HP1BP3: variants seen among roughly 807,000 people sequenced by gnomAD.
HP1BP3 encodes the protein heterochromatin protein 1 binding protein 3.
Under a neutral mutation model 62.5 loss-of-function variants are expected in HP1BP3, and 12 were observed. That is an observed-to-expected ratio of 0.19 (90% CI 0.12 to 0.31). The LOEUF is 0.31. HP1BP3 is among the 10% of genes least tolerant of loss of function. HP1BP3 has a pLI of 1.00. For missense variants in HP1BP3, 502 were observed against 651.8 expected (o/e 0.77, Z 2.50); for synonymous variants, 260 against 237.8 (o/e 1.09, Z -0.86).
At chr1:20,763,935 ACT>A (rs1380408732) in intron 8 of HP1BP3, among the ~76,000 whole-genome samples, 1 of 152,010 alleles carries the variant, frequency 6.6e-6, no homozygotes, top group East Asian at 1.9e-4. Context: ...ACTGAGTCTC[ACT>A]CTGTCACCCA....
rs199808787 is a variant in HP1BP3 at position 20,744,830 on chromosome 1, G to T, written c.1629C>A (p.Ser543=). ...KEVKLPGKGK[S]TMKKSFRVKK ...TCACTCTGAAAGACTTCTTCATGGT[G>T]GATTTGCCCTTGCCCGGCAATTTTA... The change falls in exon 13 of 13, where the codon TCC becomes TCA. Residue 543 remains serine (S), a synonymous_variant. Transcript: ENST00000438032. The T allele has an allele frequency of 1.9e-6, 3 of 1,612,836 alleles. No individual in the cohort carries two copies.
At chr1:20,753,096 C>A (rs1392024651) in intron 9 of HP1BP3, among the ~76,000 whole-genome samples, 1 of 152,154 alleles carries the variant, frequency 6.6e-6, no homozygotes, top group Non-Finnish European at 1.5e-5. Context: ...CATGTGCCAC[C>A]ATGCCCGGCT....
At chr1:20,780,667 T>G in intron 1 of HP1BP3, 127 bp from the exon 2 acceptor site, 1 of 553,816 alleles carries the variant, frequency 1.8e-6, no homozygotes, top group Non-Finnish European at 3.2e-6. Flanking sequence ...GACAGATGAT[T>G]TGGTTACTCA....
intron 5 of HP1BP3, among the ~76,000 whole-genome samples, chr1:20,773,187 T>G (rs1031014222): frequency 6.6e-6 from 1 of 152,208 alleles, no homozygotes; most frequent in East Asian, 1.9e-4. Flanking sequence ...AAATAAAAAC[T>G]GTACTTAATC....
At chr1:20,786,999 G>A (rs2057873366) in intron 1 of HP1BP3, among the ~76,000 whole-genome samples, 196 bp downstream of exon 1, 1 of 152,038 alleles carries the variant, frequency 6.6e-6, no homozygotes, top group South Asian at 2.1e-4. Context: ...GGGCTAGGTC[G>A]CAGGAGAGAG....
intron 11 of HP1BP3, 75 bp from the exon 12 acceptor site, chr1:20,745,731 T>C (rs2055276846): frequency 6.8e-7 from 1 of 1,467,098 alleles, no homozygotes; most frequent in East Asian, 2.3e-5. Context: ...TAGATGCTCT[T>C]ACCTGGACAT....
rs184686526 is a variant in HP1BP3 at position 20,766,897 on chromosome 1, C to T, written c.735+687G>A. Among the ~76,000 whole-genome samples, 5 of 152,114 alleles carry T rather than the reference C, an allele frequency of 3.3e-5. No homozygotes were observed. In the East Asian group the frequency reaches 7.7e-4, roughly 24 times the overall value. ...AGCAGAGGTTGCAGTGAGCCAAGAT[C>T]GTGCCACTGCACTCCAGCCCGGGCA... On this transcript the variant is annotated intron_variant, in intron 7 of 12. Coordinates refer to ENST00000438032, the MANE Select transcript of HP1BP3 (RefSeq NM_001372052.1).
At chr1:20,778,249 T>G (rs148252686) in intron 3 of HP1BP3, among the ~76,000 whole-genome samples, 1 of 152,266 alleles carries the variant, frequency 6.6e-6, no homozygotes, top group South Asian at 2.1e-4. Context: ...ATATGTATTA[T>G]GTATAAGACT....
At chr1:20,752,812 A>G (rs1338970915) in intron 9 of HP1BP3, among the ~76,000 whole-genome samples, 1 of 152,260 alleles carries the variant, frequency 6.6e-6, no homozygotes, top group Non-Finnish European at 1.5e-5. Context: ...TGTCTTTAGA[A>G]TATTTTATGG....
At chr1:20,759,000 GC>G (rs1361075227) in intron 8 of HP1BP3, among the ~76,000 whole-genome samples, 3 of 152,062 alleles carry the variant, frequency 2.0e-5, no homozygotes, top group African/African-American at 7.2e-5. Flanking sequence ...CAACGTGTGG[GC>G]CATGTTAGGA....
At chr1:20,776,001 C>T in intron 4 of HP1BP3, 3 of 1,449,366 alleles carry the variant, frequency 2.1e-6, no homozygotes, top group South Asian at 1.4e-5. Flanking sequence ...ATACTATCAG[C>T]TCTCCTGCAA....
Position 20,779,862 on chromosome 1 carries a change from C to G in HP1BP3, c.146G>C (p.Arg49Pro). ...MPIRRTVNST[R>P]ETPPKSKLAE... ...AAGCTTGCTTTTGGGAGGAGTTTCCCGGGTAGAATTCACAGTTCGACGAAT... is the reference window on the plus strand; with the variant it reads ...AAGCTTGCTTTTGGGAGGAGTTTCCGGGGTAGAATTCACAGTTCGACGAAT... The change falls in exon 3 of 13, where the codon CGG becomes CCG. Residue 49 changes from arginine to proline, a missense_variant. By Grantham distance (103) the Arg-to-Pro change is moderately radical. Transcript: ENST00000438032. 4 of 1,613,518 alleles carry G rather than the reference C, an allele frequency of 2.5e-6. No homozygotes were observed. The highest frequency in any genetic ancestry group is 3.4e-6 in the Non-Finnish European group (4 of 1,179,812).
intron 5 of HP1BP3, among the ~76,000 whole-genome samples, chr1:20,771,765 C>A (rs2057071458): frequency 6.6e-6 from 1 of 152,154 alleles, no homozygotes; most frequent in Admixed American, 6.6e-5. Flanking sequence ...CAACTGGTCA[C>A]TGACTTGAAA....
chr1:20,759,610 G>C (rs2056340061), intron 8 of HP1BP3, among the ~76,000 whole-genome samples: 1 of 152,168 alleles, frequency 6.6e-6, no homozygotes, highest in African/African-American at 2.4e-5. Flanking sequence ...CTCAGACTTC[G>C]AGTCTGCACA....
At chr1:20,772,473 T>C (rs2057103308) in intron 5 of HP1BP3, among the ~76,000 whole-genome samples, 1 of 151,340 alleles carries the variant, frequency 6.6e-6, no homozygotes, top group East Asian at 1.9e-4. Flanking sequence ...TTCACTACAG[T>C]GAGGTAATCT....
At chr1:20,778,530 A>C (rs1364487313) in intron 3 of HP1BP3, among the ~76,000 whole-genome samples, 3 of 152,212 alleles carry the variant, frequency 2.0e-5, no homozygotes, top group South Asian at 2.1e-4. Flanking sequence ...TTAAACATGG[A>C]TTAAGATGGA....
chr1:20,745,483 T>C (rs775404237), intron 12 of HP1BP3, 60 bp downstream of exon 12: 12 of 1,574,906 alleles, frequency 7.6e-6, no homozygotes, highest in Non-Finnish European at 9.5e-6. Context: ...CCTATAGCAC[T>C]ATTTTTCAGC....
Position 20,765,367 on chromosome 1 carries a change from T to C in HP1BP3, c.890+10A>G, listed in dbSNP as rs568492049. 1.3e-4 allele frequency: 199 copies of C among 1,567,010 alleles called. 1 individual carries two copies. The South Asian group carries it at 2.2e-3, about 17-fold the overall frequency. On this transcript the variant is annotated intron_variant, in intron 8 of 12. Transcript: ENST00000438032. Reference sequence around the variant, plus strand: ...CATCATGTTTTAAAGGCCAGGCCAATGGCTCATACCTGATGTCCACTCTAA... The same window carrying C: ...CATCATGTTTTAAAGGCCAGGCCAACGGCTCATACCTGATGTCCACTCTAA...
At chr1:20,751,095 G>A (rs984091756) in intron 9 of HP1BP3, among the ~76,000 whole-genome samples, 7 of 151,918 alleles carry the variant, frequency 4.6e-5, no homozygotes, top group African/African-American at 1.5e-4. Flanking sequence ...GGGATTATAG[G>A]TGTGACCCAC....
Sources: allele counts gnomAD v4.1 joint callset (sites outside exome capture counted in the v4.1 genomes callset), GRCh38; gene constraint gnomAD v4.1.1; transcripts MANE v1.5; gene names NCBI Gene and HGNC (gene_info 2026-07-23, HGNC 2026-07-21).